The following LINGO2 variants were observed in gnomAD, a reference collection of about 807,000 sequenced individuals.
LINGO2 encodes leucine rich repeat and Ig domain containing 2.
A neutral mutation model predicts 30.6 loss-of-function variants in LINGO2; 14 were observed. The ratio of observed to expected loss-of-function variants is 0.46; its 90% confidence interval spans 0.30 to 0.72. LINGO2 has a LOEUF of 0.72. Among genes scored for constraint, LINGO2 ranks in the 30% least tolerant of loss-of-function variants. The pLI is 0.07. For missense variants in LINGO2, 729 were observed against 751.7 expected (o/e 0.97, Z 0.35); for synonymous variants, 317 against 288.5 (o/e 1.10, Z -1.00).
Position 28,662,283 on chromosome 9 carries a change from C to T in LINGO2, c.-365+7917G>A, listed in dbSNP as rs1828613845. On this transcript the variant is annotated intron_variant, in intron 1 of 5. Transcript: ENST00000379992. ...CTGCTGAGATTAATCTTACTTGTAT[C>T]CTTTTCTGAGGGGAAAATTTGGAGT... 2.0e-5 allele frequency among the ~76,000 whole-genome samples: 3 copies of T among 152,258 alleles called. No homozygotes were observed. In the South Asian group the frequency reaches 6.2e-4, roughly 32 times the overall value.
intron 2 of LINGO2, among the ~76,000 whole-genome samples, chr9:28,436,290 A>T (rs995049273): frequency 5.3e-5 from 8 of 152,110 alleles, no homozygotes; most frequent in African/African-American, 1.7e-4. Flanking sequence ...TTCTGCCAAG[A>T]CCTTTGCAAC....
chr9:28,792,057 A>G, the LINGO2 span, among the ~76,000 whole-genome samples: 2 of 151,006 alleles, frequency 1.3e-5, no homozygotes, highest in Non-Finnish European at 3.0e-5. Flanking sequence ...GAGTATATAT[A>G]TATATGTATG....
At chr9:28,336,072 G>C (rs1479445588) in intron 3 of LINGO2, among the ~76,000 whole-genome samples, 4 of 152,002 alleles carry the variant, frequency 2.6e-5, no homozygotes, top group African/African-American at 9.7e-5. Context: ...GAGAGATCTA[G>C]TATCTCAACA....
intron 3 of LINGO2, among the ~76,000 whole-genome samples, chr9:28,323,644 G>C (rs1481889140): frequency 6.6e-6 from 1 of 152,004 alleles, no homozygotes; most frequent in Admixed American, 6.6e-5. Flanking sequence ...ATCCAAAATA[G>C]TCTCAAAATA....
chr9:29,085,060 C>A, the LINGO2 span, among the ~76,000 whole-genome samples: 6 of 151,700 alleles, frequency 4.0e-5, no homozygotes, highest in African/African-American at 9.7e-5. Flanking sequence ...CACAGGTACT[C>A]CCTTTTCCAT....
chr9:28,492,949 GTGT>G (rs1266993806), intron 1 of LINGO2, among the ~76,000 whole-genome samples: 1 of 152,140 alleles, frequency 6.6e-6, no homozygotes, highest in Non-Finnish European at 1.5e-5. Flanking sequence ...ATTTACAGAA[GTGT>G]TAACCTATTT....
intron 4 of LINGO2, among the ~76,000 whole-genome samples, chr9:28,089,029 T>C (rs888560833): frequency 5.3e-5 from 8 of 152,110 alleles, no homozygotes; most frequent in South Asian, 2.1e-4. Flanking sequence ...CCTAAATATA[T>C]ATGCACCCAA....
chr9:28,588,598 A>AAAACAAACAAACAAAC lies in LINGO2; in HGVS notation c.-365+81586_-365+81601dup, dbSNP rs5897309. On this transcript the variant is annotated intron_variant, in intron 1 of 5. Coordinates refer to ENST00000379992, the Ensembl canonical transcript of LINGO2. The stretch of plus-strand genomic sequence containing the variant: ...AATATCTCTTTAATGAGTTCAGGTT[A>AAAACAAACAAACAAAC]AAACAAACAAACAAACAAACAAACA... Among the ~76,000 whole-genome samples the AAAACAAACAAACAAAC allele has an allele frequency of 3.9e-3, 593 of 150,688 alleles. 4 individuals carry two copies. The highest frequency in any genetic ancestry group is 5.4e-3 in the Non-Finnish European group (365 of 67,670).
At chr9:28,296,542 C>A (rs144070865) in intron 3 of LINGO2, among the ~76,000 whole-genome samples, 1 of 152,104 alleles carries the variant, frequency 6.6e-6, no homozygotes. Context: ...TAGAGCTTCA[C>A]GGATTCCCAG....
intron 4 of LINGO2, among the ~76,000 whole-genome samples, chr9:28,142,548 G>T (rs1241001121): frequency 6.6e-6 from 1 of 152,078 alleles, no homozygotes; most frequent in Non-Finnish European, 1.5e-5. Flanking sequence ...TGTTTTCAAA[G>T]AAATTAATTA....
the LINGO2 span, among the ~76,000 whole-genome samples, chr9:29,145,420 G>GTT: frequency 6.9e-6 from 1 of 145,604 alleles, no homozygotes; most frequent in African/African-American, 2.5e-5. Flanking sequence ...AAAAATTAGT[G>GTT]TTTTTTTTTT....
the LINGO2 span, among the ~76,000 whole-genome samples, chr9:28,837,917 A>G: frequency 6.6e-6 from 1 of 151,880 alleles, no homozygotes; most frequent in African/African-American, 2.4e-5. Context: ...TTAAATTTAT[A>G]TGCTATTAGA....
the LINGO2 span, among the ~76,000 whole-genome samples, chr9:28,993,584 T>C: frequency 1.1e-4 from 16 of 150,946 alleles, no homozygotes; most frequent in Middle Eastern, 3.2e-3. Context: ...TTTAGATCAA[T>C]ATACTTGATG....
intron 2 of LINGO2, among the ~76,000 whole-genome samples, chr9:28,441,450 TC>T (rs1444476974): frequency 2.6e-5 from 4 of 151,914 alleles, no homozygotes; most frequent in African/African-American, 7.3e-5. Context: ...AGCCCATACT[TC>T]ATGTTAGTTC....
chr9:28,149,659 C>A (rs1333560404), intron 4 of LINGO2, among the ~76,000 whole-genome samples: 7 of 151,316 alleles, frequency 4.6e-5, no homozygotes, highest in Non-Finnish European at 5.9e-5. Context: ...AGTGCCTCTG[C>A]CCGGCCCCCT....
chr9:28,699,845 T>G, the LINGO2 span, among the ~76,000 whole-genome samples: 9 of 151,968 alleles, frequency 5.9e-5, no homozygotes, highest in Non-Finnish European at 1.0e-4. Flanking sequence ...TGCAGTACCC[T>G]CAGGCTTACT....
chr9:29,023,303 G>A, the LINGO2 span, among the ~76,000 whole-genome samples: 1 of 151,748 alleles, frequency 6.6e-6, no homozygotes, highest in Non-Finnish European at 1.5e-5. Context: ...TCATAATAAA[G>A]GAAAAAAGAG....
the LINGO2 span, among the ~76,000 whole-genome samples, chr9:28,761,727 C>T: frequency 1.3e-5 from 2 of 151,938 alleles, no homozygotes; most frequent in African/African-American, 4.8e-5. Context: ...ACATTAAAGA[C>T]TTAATTCCCA....
At chr9:28,160,634 T>C (rs1264685459) in intron 4 of LINGO2, among the ~76,000 whole-genome samples, 1 of 152,190 alleles carries the variant, frequency 6.6e-6, no homozygotes, top group East Asian at 1.9e-4. Flanking sequence ...TGTTAACTAC[T>C]TCATTCTTCT....
Sources: allele counts gnomAD v4.1 joint callset (sites outside exome capture counted in the v4.1 genomes callset), GRCh38; gene constraint gnomAD v4.1.1; transcripts MANE v1.5; gene names NCBI Gene and HGNC (gene_info 2026-07-23, HGNC 2026-07-21).